The following TMEM117 variants were observed in gnomAD, a reference collection of about 807,000 sequenced individuals.
TMEM117 encodes the protein transmembrane protein 117.
TMEM117 carries 27 observed loss-of-function variants against 52.4 expected under a neutral mutation model. The ratio of observed to expected loss-of-function variants is 0.51; its 90% CI spans 0.38 to 0.71. The LOEUF (loss-of-function observed/expected upper bound fraction) is 0.71. Among genes scored for constraint, TMEM117 ranks in the 30% least tolerant of loss-of-function variants. The pLI, the probability that TMEM117 is intolerant of heterozygous loss-of-function variation, is 0.00. For synonymous variants in TMEM117, 215 were observed against 206.3 expected, an observed-to-expected ratio of 1.04 and a Z score of -0.36; for missense variants, 556 against 630.5, an observed-to-expected ratio of 0.88 and a Z score of 1.26.
chr12:43,809,752 C>T, the TMEM117 span, among the ~76,000 whole-genome samples: 4 of 152,124 alleles, frequency 2.6e-5, no homozygotes, highest in African/African-American at 9.6e-5. Context: ...GAAAAGTAAC[C>T]CTTTGGGTTA....
intron 4 of TMEM117, among the ~76,000 whole-genome samples, chr12:44,171,406 T>G (rs1949044583): frequency 6.6e-6 from 1 of 152,220 alleles, no homozygotes; most frequent in African/African-American, 2.4e-5. Context: ...TTAGCATCCA[T>G]TAGTGGATCT....
chr12:43,921,489 C>G (rs1241018520), intron 2 of TMEM117, among the ~76,000 whole-genome samples: 1 of 152,200 alleles, frequency 6.6e-6, no homozygotes, highest in Non-Finnish European at 1.5e-5. Flanking sequence ...TGAGCTTCTA[C>G]TCTCTCATCT....
At chr12:44,216,923 T>C (rs1463809949) in intron 5 of TMEM117, among the ~76,000 whole-genome samples, 1 of 152,170 alleles carries the variant, frequency 6.6e-6, no homozygotes, top group African/African-American at 2.4e-5. Flanking sequence ...GGATGGGGTA[T>C]CTCTTAATCA....
chr12:43,877,817 G>A (rs192199124), intron 2 of TMEM117, among the ~76,000 whole-genome samples: 41 of 151,558 alleles, frequency 2.7e-4, no homozygotes, highest in Non-Finnish European at 5.2e-4. Flanking sequence ...TCATGGTAAT[G>A]CCCATGATAC....
At chr12:44,193,959 G>T (rs1164666592) in intron 4 of TMEM117, among the ~76,000 whole-genome samples, 1 of 152,090 alleles carries the variant, frequency 6.6e-6, no homozygotes, top group Non-Finnish European at 1.5e-5. Context: ...ATGAGAAACA[G>T]CAGTAAATAC....
At chr12:43,798,734 C>T in the TMEM117 span, 2 of 886,632 alleles carry the variant, frequency 2.3e-6, no homozygotes, top group South Asian at 3.9e-5. Flanking sequence ...ATTCTCCAGA[C>T]TGATTCCTAC....
At chr12:44,144,294 G>T (rs965504578) in intron 4 of TMEM117, among the ~76,000 whole-genome samples, 1 of 152,160 alleles carries the variant, frequency 6.6e-6, no homozygotes, top group Admixed American at 6.5e-5. Flanking sequence ...ATAGCATGTT[G>T]CTAGAAGGCT....
chr12:43,802,492 G>C, the TMEM117 span: 3 of 1,552,272 alleles, frequency 1.9e-6, no homozygotes, highest in East Asian at 6.9e-5. Flanking sequence ...TAGAAAGATA[G>C]GTAAATGGTT....
chr12:44,369,399 A>G (rs1951832578), intron 6 of TMEM117, among the ~76,000 whole-genome samples: 1 of 152,168 alleles, frequency 6.6e-6, no homozygotes, highest in South Asian at 2.1e-4. Flanking sequence ...CAGACTATAT[A>G]CTTACTTTTC....
chr12:44,039,216 A>G (rs1946759527), intron 3 of TMEM117, among the ~76,000 whole-genome samples: 1 of 152,140 alleles, frequency 6.6e-6, no homozygotes, highest in Non-Finnish European at 1.5e-5. Context: ...TAGTTATAAT[A>G]GCCTTTCCCC....
intron 3 of TMEM117, among the ~76,000 whole-genome samples, chr12:44,072,194 T>C (rs1358502944): frequency 1.3e-5 from 2 of 151,704 alleles, no homozygotes; most frequent in Non-Finnish European, 2.9e-5. Context: ...AGCTCTTTTC[T>C]TGGTAATAAT....
Position 43,944,325 on chromosome 12 carries a change from A to C in TMEM117, c.393A>C (p.Leu131=), listed in dbSNP as rs775352592. ...IFSHIYNTIL[L]MDGNMGAYII... Reference sequence around the variant, plus strand: ...CTCACATATACAACACGATTCTTCTAATGGATGGGAACATGGGGTAGGTTT... The same window carrying C: ...CTCACATATACAACACGATTCTTCTCATGGATGGGAACATGGGGTAGGTTT... The change falls in exon 3 of 8, where the codon CTA becomes CTC. Residue 131 remains leucine, a synonymous_variant. Transcript: ENST00000266534. 1 of 1,611,756 alleles carries C rather than the reference A, an allele frequency of 6.2e-7. No homozygotes were observed. Among genetic ancestry groups the C allele is most frequent in the Non-Finnish European group, 8.5e-7 (1 of 1,178,478 alleles).
At chr12:44,391,035 A>G (rs1293789361), downstream of TMEM117, among the ~76,000 whole-genome samples, 2 of 152,158 alleles carry the variant, frequency 1.3e-5, no homozygotes, top group Admixed American at 6.6e-5. Flanking sequence ...TTAAAAAATT[A>G]CTAAGCACAG....
rs1250026027 is a variant in TMEM117, at chr12:43,846,001, C to A, written c.277+1073C>A. Among the ~76,000 whole-genome samples the A allele has an allele frequency of 1.3e-5, 2 of 152,000 alleles. 1 individual carries two copies. Among genetic ancestry groups the A allele is most frequent in the Non-Finnish European group, 2.9e-5 (2 of 67,994 alleles). On this transcript the variant is annotated intron_variant, in intron 2 of 7. Transcript: ENST00000266534. ...AAAGTGTTGTAGAGAGTTTATAAAT[C>A]ATAAAAAAATGCCTCCATATCACAG...
chr12:44,083,196 A>G (rs556635615), intron 3 of TMEM117, among the ~76,000 whole-genome samples: 43 of 152,262 alleles, frequency 2.8e-4, no homozygotes, highest in Non-Finnish European at 4.7e-4. Flanking sequence ...AATGAAGAGC[A>G]GAGTTGCAAG....
chr12:44,276,908 A>AAG (rs1950519845), intron 5 of TMEM117, among the ~76,000 whole-genome samples: 17 of 143,630 alleles, frequency 1.2e-4, no homozygotes, highest in Non-Finnish European at 2.2e-4. Flanking sequence ...GTGTGTGTGT[A>AAG]TGTGTGTGTG....
At chr12:43,834,805 T>C (rs371746525), upstream of TMEM117, among the ~76,000 whole-genome samples, 2 of 152,218 alleles carry the variant, frequency 1.3e-5, no homozygotes, top group Non-Finnish European at 2.9e-5. Context: ...CATATATACG[T>C]GGTCATTTTT....
intron 3 of TMEM117, among the ~76,000 whole-genome samples, chr12:44,043,015 G>T (rs1052697974): frequency 6.6e-6 from 1 of 152,086 alleles, no homozygotes; most frequent in African/African-American, 2.4e-5. Flanking sequence ...AGCGTGAATT[G>T]TTTAGAGAGT....
intron 6 of TMEM117, among the ~76,000 whole-genome samples, chr12:44,329,721 T>C (rs1343437278): frequency 6.6e-6 from 1 of 152,114 alleles, no homozygotes; most frequent in Non-Finnish European, 1.5e-5. Flanking sequence ...CTTTATAAAT[T>C]TGACTACTCT....
Sources: gnomAD v4.1 joint callset for allele counts (sites outside exome capture counted in the v4.1 genomes callset) on GRCh38, gnomAD v4.1.1 for gene constraint, MANE v1.5 for transcripts, NCBI Gene and HGNC (gene_info 2026-07-23, HGNC 2026-07-21) for gene names.